CFAP107: variants seen among roughly 807,000 people sequenced by gnomAD.
CFAP107 encodes cilia- and flagella-associated protein 107.
At chr1:12,746,964 T>C in the CFAP107 span, among the ~76,000 whole-genome samples, 1 of 152,076 alleles carries the variant, frequency 6.6e-6, no homozygotes, top group Admixed American at 6.5e-5. Context: ...CAGAATATGG[T>C]ATCTCCTGAG....
the CFAP107 span, among the ~76,000 whole-genome samples, chr1:12,756,072 T>C: frequency 7.9e-5 from 12 of 152,202 alleles, no homozygotes; most frequent in African/African-American, 1.2e-4. Flanking sequence ...CAACAGAATA[T>C]AGGCAAAGAA....
the CFAP107 span, chr1:12,755,867 G>C: frequency 8.1e-7 from 1 of 1,240,964 alleles, no homozygotes; most frequent in Non-Finnish European, 1.2e-6. Flanking sequence ...CCAAAGCTCA[G>C]GGGACACCAG....
At chr1:12,756,032 C>T in the CFAP107 span, among the ~76,000 whole-genome samples, 1 of 152,326 alleles carries the variant, frequency 6.6e-6, no homozygotes, top group South Asian at 2.1e-4. Context: ...TCCCTCCAAC[C>T]TATATCCCAG....
chr1:12,749,578 T>C, the CFAP107 span, among the ~76,000 whole-genome samples: 12 of 152,084 alleles, frequency 7.9e-5, no homozygotes, highest in African/African-American at 2.9e-4. Flanking sequence ...GCCACTGCAC[T>C]CCAGCCTGGG....
At chr1:12,754,178 T>G in the CFAP107 span, among the ~76,000 whole-genome samples, 3 of 152,156 alleles carry the variant, frequency 2.0e-5, no homozygotes, top group African/African-American at 7.2e-5. Flanking sequence ...AACTCAACAA[T>G]AGCCAAAGAC....
the CFAP107 span, among the ~76,000 whole-genome samples, chr1:12,752,864 GA>G: frequency 6.6e-6 from 1 of 151,972 alleles, no homozygotes; most frequent in South Asian, 2.1e-4. Context: ...GTTCTAGCCA[GA>G]AAAATTAGGA....
chr1:12,747,315 G>A, the CFAP107 span, among the ~76,000 whole-genome samples: 9 of 151,982 alleles, frequency 5.9e-5, no homozygotes, highest in Non-Finnish European at 8.8e-5. Flanking sequence ...GTGATGTGCC[G>A]ACCTTGGCTT....
At chr1:12,750,612 A>T in the CFAP107 span, among the ~76,000 whole-genome samples, 1 of 152,198 alleles carries the variant, frequency 6.6e-6, no homozygotes, top group Non-Finnish European at 1.5e-5. Flanking sequence ...TAGGTTAAAA[A>T]CTATTATGAG....
At chr1:12,756,331 C>T in the CFAP107 span, among the ~76,000 whole-genome samples, 1 of 152,196 alleles carries the variant, frequency 6.6e-6, no homozygotes, top group Non-Finnish European at 1.5e-5. Flanking sequence ...AGAACATGCC[C>T]TCCACACCCA....
chr1:12,757,690 A>G, the CFAP107 span, among the ~76,000 whole-genome samples: 1 of 151,990 alleles, frequency 6.6e-6, no homozygotes, highest in South Asian at 2.1e-4. Context: ...CTGGCCCTGA[A>G]TATTTATTTT....
the CFAP107 span, among the ~76,000 whole-genome samples, chr1:12,752,912 G>A: frequency 2.6e-5 from 4 of 152,202 alleles, no homozygotes; most frequent in African/African-American, 9.6e-5. Context: ...AAAGGAAAAT[G>A]TAAAATTTTC....
chr1:12,746,377 C>T, the CFAP107 span: 2,060 of 1,455,728 alleles, frequency 1.4e-3, 26 homozygotes, highest in African/African-American at 0.018. Flanking sequence ...TTCCTCTCCC[C>T]GCCTGAAGCC....
chr1:12,762,197 C>T, the CFAP107 span: 2 of 152,212 alleles, frequency 1.3e-5, no homozygotes, highest in Admixed American at 6.5e-5. Context: ...TAAGTTCCTT[C>T]CTTAGTCATC....
the CFAP107 span, chr1:12,760,963 C>A: frequency 6.2e-7 from 1 of 1,601,928 alleles, no homozygotes; most frequent in Non-Finnish European, 8.5e-7. Context: ...AGCTGCCACC[C>A]CAGGAGCAGC....
chr1:12,759,431 C>T, the CFAP107 span: 1 of 1,614,170 alleles, frequency 6.2e-7, no homozygotes, highest in Non-Finnish European at 8.5e-7. Context: ...CCACTCCGCA[C>T]TTGGAATGGA....
At chr1:12,748,055 GTT>G in the CFAP107 span, among the ~76,000 whole-genome samples, 1 of 152,196 alleles carries the variant, frequency 6.6e-6, no homozygotes, top group African/African-American at 2.4e-5. Context: ...ATTCCATGAT[GTT>G]TTTACTTGTC....
the CFAP107 span, among the ~76,000 whole-genome samples, chr1:12,751,491 G>A: frequency 2.6e-5 from 4 of 152,078 alleles, no homozygotes; most frequent in South Asian, 2.1e-4. Context: ...GCTGGGTGTC[G>A]TGGTGCATGC....
At chr1:12,746,590 G>A in the CFAP107 span, 5 of 1,314,232 alleles carry the variant, frequency 3.8e-6, no homozygotes, top group African/African-American at 1.5e-5. Context: ...GACTGATGGG[G>A]AGAGGCAGGA....
At chr1:12,755,882 C>T in the CFAP107 span, 3 of 1,059,772 alleles carry the variant, frequency 2.8e-6, no homozygotes, top group South Asian at 3.9e-5. Flanking sequence ...CACCAGCCAG[C>T]TTCTTATAGG....
Sources: allele counts gnomAD v4.1 joint callset (sites outside exome capture counted in the v4.1 genomes callset), GRCh38; gene constraint gnomAD v4.1.1; transcripts MANE v1.5; gene names NCBI Gene and HGNC (gene_info 2026-07-23, HGNC 2026-07-21).